Variants in PHKB observed in about 807,000 individuals in gnomAD.
PHKB encodes phosphorylase b kinase regulatory subunit beta.
Under a neutral mutation model 152.1 loss-of-function variants are expected in PHKB, and 122 were observed. That is an observed-to-expected ratio of 0.80 (90% CI 0.69 to 0.93). The LOEUF (loss-of-function observed/expected upper bound fraction) is 0.93, where lower values mean the gene tolerates loss of function less well. Among genes scored for constraint, PHKB ranks in the 40% least tolerant of loss-of-function variants. PHKB has a pLI of 0.00. For synonymous variants in PHKB, 436 were observed against 464.9 expected (o/e 0.94, Z 0.80); for missense variants, 1,304 against 1,328.4 (o/e 0.98, Z 0.29).
Position 47,547,491 on chromosome 16 carries a change from T to G in PHKB, c.653T>G (p.Phe218Cys). 6.2e-7 allele frequency: 1 copy of G among 1,613,364 alleles called. No homozygotes were observed. The highest frequency in any genetic ancestry group is 1.1e-5 in the South Asian group (1 of 91,070). The change falls in exon 7 of 31, where the codon TTT becomes TGT. Residue 218 changes from phenylalanine (F) to cysteine (C), a missense_variant. By Grantham distance (205) the Phe-to-Cys change is radical. Coordinates refer to ENST00000323584, the MANE Select transcript of PHKB (RefSeq NM_000293.3). ...GAAAGAGTTTACCGTGTGCCTGACT[T>G]TGGTGTCTGGGAAAGAGGAAGCAAA... Reference protein sequence around the residue: ...CVERVYRVPDFGVWERGSKYN... With the variant: ...CVERVYRVPDCGVWERGSKYN...
chr16:47,623,704 C>T lies in PHKB; in HGVS notation c.1458+12784C>T, dbSNP rs374699840. On this transcript the variant is annotated intron_variant, in intron 14 of 30. Coordinates refer to ENST00000323584, the MANE Select transcript of PHKB (RefSeq NM_000293.3). ...GAGTAGCTGGGATTACAGGGACCTG[C>T]CATCATGCCTGGTTAATTTGTTTTT... 0.012 allele frequency among the ~76,000 whole-genome samples: 1,763 copies of T among 151,942 alleles called. 302 individuals carry two copies. The South Asian group carries it at 0.33, about 28-fold the overall frequency.
intron 6 of PHKB, among the ~76,000 whole-genome samples, chr16:47,544,316 T>G (rs978778086): frequency 1.3e-5 from 2 of 152,206 alleles, no homozygotes; most frequent in Non-Finnish European, 2.9e-5. Context: ...TCAAAGAACA[T>G]CTTTATTTCT....
At chr16:47,677,221 A>G (rs749332135) in intron 26 of PHKB, among the ~76,000 whole-genome samples, 1 of 152,166 alleles carries the variant, frequency 6.6e-6, no homozygotes, top group Non-Finnish European at 1.5e-5. Context: ...CCTCTATTCT[A>G]TTGTGATTGG....
chr16:47,475,821 G>A (rs1969858658), intron 1 of PHKB, among the ~76,000 whole-genome samples: 1 of 152,138 alleles, frequency 6.6e-6, no homozygotes, highest in South Asian at 2.1e-4. Flanking sequence ...TGCTTTGACA[G>A]TTTTCCTGTT....
chr16:47,685,942 C>G (rs898029761), intron 26 of PHKB, among the ~76,000 whole-genome samples: 1 of 152,014 alleles, frequency 6.6e-6, no homozygotes, highest in Non-Finnish European at 1.5e-5. Flanking sequence ...AGGGTTTCAC[C>G]GTGTTAGCCA....
At chr16:47,666,199 G>C (rs1206679433) in intron 25 of PHKB, among the ~76,000 whole-genome samples, 4 of 152,156 alleles carry the variant, frequency 2.6e-5, no homozygotes, top group Non-Finnish European at 5.9e-5. Flanking sequence ...GCAAAATCTA[G>C]TCAGAAAGTT....
chr16:47,475,099 T>C (rs1969846596), intron 1 of PHKB, among the ~76,000 whole-genome samples: 1 of 152,228 alleles, frequency 6.6e-6, no homozygotes, highest in Non-Finnish European at 1.5e-5. Flanking sequence ...AAACTTTTAA[T>C]GGCTTCTGAT....
At chr16:47,587,822 T>C in intron 9 of PHKB, 59 bp downstream of exon 9, 1 of 1,245,172 alleles carries the variant, frequency 8.0e-7, no homozygotes, top group Non-Finnish European at 1.2e-6. Flanking sequence ...TTCTATGTAG[T>C]TATATCTTAA....
chr16:47,545,865 C>A (rs1474414917), intron 6 of PHKB, among the ~76,000 whole-genome samples: 1 of 152,204 alleles, frequency 6.6e-6, no homozygotes, highest in Non-Finnish European at 1.5e-5. Context: ...GATACCCTTT[C>A]TTCCACTTGA....
chr16:47,565,645 C>T, intron 7 of PHKB: 1 of 1,154,760 alleles, frequency 8.7e-7, no homozygotes, highest in Non-Finnish European at 1.3e-6. Flanking sequence ...TGTGATGACT[C>T]ACTTCCTGTC....
At chr16:47,629,965 A>G (rs979002685) in intron 14 of PHKB, among the ~76,000 whole-genome samples, 4 of 151,068 alleles carry the variant, frequency 2.6e-5, no homozygotes, top group African/African-American at 7.3e-5. Flanking sequence ...ATAGATGGGA[A>G]CTGAACAATG....
chr16:47,650,371 A>ATG (rs1973213775), intron 18 of PHKB, among the ~76,000 whole-genome samples, 173 bp from the exon 19 acceptor site: 1 of 152,232 alleles, frequency 6.6e-6, no homozygotes, highest in Non-Finnish European at 1.5e-5. Context: ...ACTTGCGTGT[A>ATG]CCCAGAGAAC....
At chr16:47,589,342 C>A (rs543854673) in intron 10 of PHKB, among the ~76,000 whole-genome samples, 23 of 152,180 alleles carry the variant, frequency 1.5e-4, no homozygotes, top group Non-Finnish European at 3.1e-4. Flanking sequence ...TAGTGCTTGG[C>A]ACATAGTGAA....
chr16:47,496,012 C>T (rs747177258), intron 1 of PHKB, among the ~76,000 whole-genome samples: 1 of 151,920 alleles, frequency 6.6e-6, no homozygotes, highest in African/African-American at 2.4e-5. Flanking sequence ...TTACTATCTG[C>T]GTAAACATAA....
In PHKB at chr16:47,641,177, G is replaced by A. The variant is rs1456652368; in HGVS notation, c.1514+87G>A. 5.8e-6 allele frequency: 6 copies of A among 1,025,840 alleles called. 1 individual carries two copies. In the Admixed American group the frequency reaches 1.1e-4, roughly 18 times the overall value. The allele number at this position is 1,025,840 out of a possible 1,614,324, so 63.5% of individuals were successfully genotyped here. On this transcript the variant is annotated intron_variant, in intron 15 of 30. Coordinates refer to ENST00000323584, the MANE Select transcript of PHKB (RefSeq NM_000293.3). ...GCTTTATGTTTACAATATTGATTAT[G>A]GTAGAAGAGATTAACTTCAGAAACT... is the stretch of plus-strand genomic sequence containing the variant.
rs373206441 is a variant in PHKB, at chr16:47,541,769, A to G, written c.595-5664A>G. On this transcript the variant is annotated intron_variant, in intron 6 of 30. Coordinates refer to ENST00000323584, the MANE Select transcript of PHKB (RefSeq NM_000293.3). ...CCAGTGATGATGAGCATTTTTTTTC[A>G]TGTGTCTGTTGGCTGCATAAATGTC... Among the ~76,000 whole-genome samples the G allele has an allele frequency of 1.1e-4, 16 of 151,950 alleles. No homozygotes were observed. The East Asian group carries it at 2.9e-3, about 28-fold the overall frequency.
At chr16:47,607,779 C>T (rs1161667819) in intron 13 of PHKB, among the ~76,000 whole-genome samples, 2 of 152,206 alleles carry the variant, frequency 1.3e-5, no homozygotes, top group African/African-American at 4.8e-5. Context: ...GCTGCTGTAT[C>T]ATTTTGCTTT....
intron 1 of PHKB, among the ~76,000 whole-genome samples, chr16:47,477,852 A>G (rs1297313448): frequency 1.3e-5 from 2 of 152,330 alleles, no homozygotes; most frequent in Non-Finnish European, 2.9e-5. Flanking sequence ...CACCAGTAGC[A>G]TGTTTATTCC....
chr16:47,653,979 A>G (rs1487834790), intron 20 of PHKB, among the ~76,000 whole-genome samples: 1 of 152,192 alleles, frequency 6.6e-6, no homozygotes, highest in East Asian at 1.9e-4. Context: ...GACCCTCTTG[A>G]AAAGCTATAC....
Sources: gnomAD v4.1 joint callset for allele counts (sites outside exome capture counted in the v4.1 genomes callset) on GRCh38, gnomAD v4.1.1 for gene constraint, MANE v1.5 for transcripts, NCBI Gene and HGNC (gene_info 2026-07-23, HGNC 2026-07-21) for gene names.